Variants in UTRN observed in about 807,000 individuals in gnomAD.
UTRN encodes the protein dystrophin-related protein 1.
In UTRN, 283 loss-of-function variants were observed where a neutral mutation model predicts 463.9. That is an observed-to-expected ratio of 0.61 (90% CI 0.55 to 0.67). The LOEUF is 0.67. Among genes scored for constraint, UTRN ranks in the 30% least tolerant of loss-of-function variants. UTRN has a pLI of 0.00. For missense variants in UTRN, 3,922 were observed against 4,084.3 expected (o/e 0.96, Z 1.08); for synonymous variants, 1,442 against 1,431.5 (o/e 1.01, Z -0.17).
At chr6:144,387,434 C>T (rs886823407) in intron 2 of UTRN, among the ~76,000 whole-genome samples, 4 of 152,124 alleles carry the variant, frequency 2.6e-5, no homozygotes, top group Non-Finnish European at 5.9e-5. Flanking sequence ...CCACCATGCC[C>T]GGCCTTCTTC....
chr6:144,815,546 C>G (rs889453696), intron 65 of UTRN, among the ~76,000 whole-genome samples: 1 of 152,196 alleles, frequency 6.6e-6, no homozygotes. Flanking sequence ...GGCCCAAGAG[C>G]CCCTGGCAAA....
At chr6:144,543,020 T>A in intron 46 of UTRN, 150 bp downstream of exon 46, 1 of 717,798 alleles carries the variant, frequency 1.4e-6, no homozygotes, top group Non-Finnish European at 2.2e-6. Flanking sequence ...AAGAACATCT[T>A]CTTTAAACCC....
chr6:144,594,269 TA>T (rs1219141702), intron 51 of UTRN, among the ~76,000 whole-genome samples: 2 of 147,034 alleles, frequency 1.4e-5, no homozygotes, highest in Non-Finnish European at 3.0e-5. Context: ...TGCTTTAATA[TA>T]TTTTTTTTGT....
intron 2 of UTRN, among the ~76,000 whole-genome samples, chr6:144,355,223 T>G (rs778293642): frequency 1.1e-4 from 17 of 152,164 alleles, no homozygotes; most frequent in Admixed American, 6.5e-5. Flanking sequence ...ATTTCTTTCT[T>G]TTTTTTGAGA....
At chr6:144,712,108 T>C (rs541132220) in intron 53 of UTRN, among the ~76,000 whole-genome samples, 39 of 152,314 alleles carry the variant, frequency 2.6e-4, no homozygotes, top group African/African-American at 9.1e-4. Context: ...AACTTGTCTT[T>C]TTCTGAAATT....
chr6:144,781,126 C>T (rs1310227134), intron 60 of UTRN, among the ~76,000 whole-genome samples: 2 of 151,996 alleles, frequency 1.3e-5, no homozygotes, highest in Non-Finnish European at 2.9e-5. Context: ...TAGCCCCAGC[C>T]ATGCCTACCA....
intron 54 of UTRN, among the ~76,000 whole-genome samples, chr6:144,737,294 G>A (rs1424048342): frequency 6.6e-6 from 1 of 152,256 alleles, no homozygotes; most frequent in African/African-American, 2.4e-5. Context: ...GGTGAGTGAT[G>A]GGTAAGTAGC....
chr6:144,655,248 A>G (rs1779209209), intron 51 of UTRN, among the ~76,000 whole-genome samples: 1 of 152,236 alleles, frequency 6.6e-6, no homozygotes, highest in Admixed American at 6.5e-5. Context: ...TTAAATAGCT[A>G]CCAGCTGACA....
In UTRN at chr6:144,849,261, G is replaced by A. The variant is rs73596399; in HGVS notation, c.10294-1728G>A. 7.7e-3 allele frequency among the ~76,000 whole-genome samples: 1,170 copies of A among 152,234 alleles called. 19 individuals are homozygous for A. The highest frequency in any genetic ancestry group is 0.025 in the African/African-American group (1,055 of 41,530). ...ACAGGTGATGGAAGGGCAACCAGGA[G>A]TCTAGAGCTTTTTAGGGTGGCCCAT... On this transcript the variant is annotated intron_variant, in intron 74 of 74. Coordinates refer to ENST00000367545, the MANE Select transcript of UTRN (RefSeq NM_007124.3).
At chr6:144,303,361 G>A (rs1030825243) in intron 2 of UTRN, among the ~76,000 whole-genome samples, 7 of 152,270 alleles carry the variant, frequency 4.6e-5, no homozygotes, top group South Asian at 2.1e-4. Context: ...CTATAAAGCC[G>A]CAATGTAAAC....
chr6:144,518,077 C>A (rs1353201978), intron 39 of UTRN, among the ~76,000 whole-genome samples: 2 of 152,218 alleles, frequency 1.3e-5, no homozygotes, highest in Admixed American at 1.3e-4. Context: ...GCTCTACCAG[C>A]TGCTTGTTTT....
In UTRN at chr6:144,474,715, A is replaced by G. The variant is rs779191311; in HGVS notation, c.3292A>G (p.Arg1098Gly). ...TGGAATAAAAACTTGGGTGCAGACA[A>G]GACTAGGTGACTACCAAACTCAACT... ...VAGIKTWVQT[R>G]LGDYQTQLEK... Residue 1098 changes from arginine to glycine, a missense_variant, in exon 25 of 75, where the codon AGA (arginine) becomes GGA (glycine). Arg to Gly is a moderately radical substitution (Grantham distance 125). Transcript: ENST00000367545. 3 of 1,614,044 alleles carry G rather than the reference A, an allele frequency of 1.9e-6. No individual in the cohort carries two copies. Among genetic ancestry groups the G allele is most frequent in the Non-Finnish European group, 2.5e-6 (3 of 1,179,978 alleles).
intron 61 of UTRN, among the ~76,000 whole-genome samples, chr6:144,783,271 G>A (rs112150043): frequency 0.036 from 5,467 of 151,740 alleles, 288 homozygotes; most frequent in African/African-American, 0.11. Flanking sequence ...CTATTAATTA[G>A]CTACATGAAA....
intron 34 of UTRN, among the ~76,000 whole-genome samples, chr6:144,510,641 T>C (rs9496991): frequency 3.3e-5 from 5 of 152,178 alleles, no homozygotes; most frequent in Non-Finnish European, 5.9e-5. Context: ...ATGAAGGTAA[T>C]TGGCATTCAT....
intron 52 of UTRN, among the ~76,000 whole-genome samples, chr6:144,682,635 G>A (rs1432818656): frequency 6.6e-6 from 1 of 152,024 alleles, no homozygotes; most frequent in Non-Finnish European, 1.5e-5. Flanking sequence ...CCACATGCTA[G>A]ACAGCATTTG....
intron 2 of UTRN, among the ~76,000 whole-genome samples, chr6:144,402,035 T>C (rs1354785269): frequency 1.3e-5 from 2 of 152,156 alleles, no homozygotes; most frequent in African/African-American, 4.8e-5. Flanking sequence ...ATTGTGAAAA[T>C]GCTGTTTTGT....
In UTRN at chr6:144,730,341, G is replaced by C. The variant is rs781071168; in HGVS notation, c.7810-16G>C. The C allele has an allele frequency of 3.2e-6, 5 of 1,561,872 alleles. No individual in the cohort carries two copies. The highest frequency in any genetic ancestry group is 3.5e-6 in the Non-Finnish European group (4 of 1,152,790). ...ACGTGAGGTTACAAACTCAACTTTT[G>C]CTTCTCTTTTGAAAGGCCCTGAGAC... On this transcript the variant is annotated splice_polypyrimidine_tract_variant and intron_variant, in intron 53 of 74. Transcript: ENST00000367545.
At chr6:144,432,942 C>T (rs1251763932) in intron 9 of UTRN, among the ~76,000 whole-genome samples, 1 of 152,000 alleles carries the variant, frequency 6.6e-6, no homozygotes, top group East Asian at 1.9e-4. Flanking sequence ...CTTGCACCGC[C>T]CTTAATCCAT....
intron 53 of UTRN, among the ~76,000 whole-genome samples, chr6:144,716,587 G>A (rs912234350): frequency 5.9e-5 from 9 of 151,982 alleles, no homozygotes; most frequent in African/African-American, 1.7e-4. Context: ...ATTCTAGTGG[G>A]CATTCCTTTC....
Sources: gnomAD v4.1 joint callset for allele counts (sites outside exome capture counted in the v4.1 genomes callset) on GRCh38, gnomAD v4.1.1 for gene constraint, MANE v1.5 for transcripts, NCBI Gene and HGNC (gene_info 2026-07-23, HGNC 2026-07-21) for gene names.